EDN1: variants seen among roughly 807,000 people sequenced by gnomAD.
EDN1 encodes endothelin 1, also known as endothelin-1.
EDN1 carries 11 observed loss-of-function variants against 21.7 expected under a neutral mutation model. The ratio of observed to expected loss-of-function variants is 0.51; its 90% CI spans 0.32 to 0.84. The LOEUF (loss-of-function observed/expected upper bound fraction) is 0.84, where lower values mean the gene tolerates loss of function less well. Ranked by LOEUF, EDN1 falls within the 40% of genes least tolerant of loss-of-function variation. EDN1 has a pLI of 0.03. For synonymous variants in EDN1, 85 were observed against 90.6 expected (o/e 0.94, Z 0.35); for missense variants, 244 against 262.3 (o/e 0.93, Z 0.48).
the EDN1 span, among the ~76,000 whole-genome samples, chr6:12,259,431 AAAG>A: frequency 6.6e-6 from 1 of 151,076 alleles, no homozygotes; most frequent in Non-Finnish European, 1.5e-5. Flanking sequence ...ATTATTATAA[AAAG>A]AAAGAACTTT....
the EDN1 span, among the ~76,000 whole-genome samples, chr6:12,262,728 C>T: frequency 2.0e-5 from 3 of 151,758 alleles, no homozygotes; most frequent in Admixed American, 6.6e-5. Flanking sequence ...AAAAATTAGC[C>T]GGGCGTGGTT....
At chr6:12,236,144 A>G in the EDN1 span, among the ~76,000 whole-genome samples, 1 of 152,252 alleles carries the variant, frequency 6.6e-6, no homozygotes, top group African/African-American at 2.4e-5. Flanking sequence ...ATTTGATTCC[A>G]TGGGAATAAA....
intron 4 of EDN1, among the ~76,000 whole-genome samples, chr6:12,295,670 T>C (rs188310047): frequency 6.6e-6 from 1 of 152,274 alleles, no homozygotes; most frequent in Non-Finnish European, 1.5e-5. Context: ...GGGATGGGGC[T>C]ACGGAAGAAA....
upstream of EDN1, among the ~76,000 whole-genome samples, chr6:12,287,708 TCTCTCA>T (rs1180407059): frequency 2.2e-3 from 169 of 76,166 alleles, no homozygotes; most frequent in Non-Finnish European, 3.4e-3. Context: ...TCTCTCTCTC[TCTCTCA>T]CACACACACA....
chr6:12,244,157 ATATT>A, the EDN1 span, among the ~76,000 whole-genome samples: 8 of 152,140 alleles, frequency 5.3e-5, no homozygotes, highest in South Asian at 2.1e-4. Context: ...AACATTTAAA[ATATT>A]TATTTGTTTA....
At chr6:12,260,167 C>T in the EDN1 span, among the ~76,000 whole-genome samples, 17 of 151,966 alleles carry the variant, frequency 1.1e-4, no homozygotes, top group Non-Finnish European at 1.6e-4. Flanking sequence ...AGTAAGAGTT[C>T]TTGTTAAGTA....
the EDN1 span, among the ~76,000 whole-genome samples, chr6:12,260,010 AC>A: frequency 1.4e-4 from 21 of 152,108 alleles, no homozygotes; most frequent in Admixed American, 1.4e-3. Context: ...GAATTTCTCT[AC>A]AAAAAAAGGT....
chr6:12,288,193 T>G (rs3756865), upstream of EDN1, among the ~76,000 whole-genome samples: 30,980 of 151,090 alleles, frequency 0.21, 3,420 homozygotes, highest in South Asian at 0.34. Context: ...CTTGAGAACA[T>G]GTTGGTCCTG....
chr6:12,255,775 C>T, the EDN1 span, among the ~76,000 whole-genome samples: 1 of 152,192 alleles, frequency 6.6e-6, no homozygotes, highest in Non-Finnish European at 1.5e-5. Context: ...CCTATAACAT[C>T]TTCATTTTTA....
chr6:12,295,262 T>C (rs1380984903), intron 4 of EDN1, among the ~76,000 whole-genome samples: 3 of 152,156 alleles, frequency 2.0e-5, no homozygotes, highest in African/African-American at 7.2e-5. Flanking sequence ...ATGAACTACT[T>C]CTGAGTTATT....
chr6:12,274,768 GT>G, the EDN1 span, among the ~76,000 whole-genome samples: 1 of 152,218 alleles, frequency 6.6e-6, no homozygotes, highest in African/African-American at 2.4e-5. Flanking sequence ...AGAGCTAACT[GT>G]CCGAGGACAA....
At chr6:12,270,038 A>G in the EDN1 span, among the ~76,000 whole-genome samples, 5 of 152,084 alleles carry the variant, frequency 3.3e-5, no homozygotes, top group African/African-American at 1.2e-4. Flanking sequence ...TTTTGGTAGC[A>G]TATGTACCTA....
At chr6:12,287,295 G>T (rs184210209), upstream of EDN1, among the ~76,000 whole-genome samples, 3 of 151,884 alleles carry the variant, frequency 2.0e-5, no homozygotes, top group Admixed American at 6.6e-5. Flanking sequence ...GTGGGGTGGG[G>T]CTATGAAGCT....
intron 4 of EDN1, among the ~76,000 whole-genome samples, chr6:12,295,581 G>A (rs2071943): frequency 0.21 from 31,883 of 151,884 alleles, 3,466 homozygotes; most frequent in South Asian, 0.4. Context: ...CTAAGTCACC[G>A]TCAATTTATT....
chr6:12,230,955 AGT>A, the EDN1 span, among the ~76,000 whole-genome samples: 3 of 152,222 alleles, frequency 2.0e-5, no homozygotes, highest in African/African-American at 4.8e-5. Flanking sequence ...GAACCAAAAC[AGT>A]AGTTCATTGG....
At chr6:12,257,070 C>T in the EDN1 span, among the ~76,000 whole-genome samples, 4 of 152,210 alleles carry the variant, frequency 2.6e-5, no homozygotes, top group African/African-American at 7.2e-5. Context: ...GAACCAAAAA[C>T]ACATTTGATG....
rs11969143 is a variant in EDN1, at chr6:12,296,532, T to G, written c.*465T>G. On this transcript the variant is annotated 3_prime_UTR_variant, in exon 5 of 5. Transcript: ENST00000379375. ...TGAAAACACACTCAAAAGACAAACATGCAAGTAAAGAAAAAAAAAAGAAAG... is the reference window on the plus strand; with the variant it reads ...TGAAAACACACTCAAAAGACAAACAGGCAAGTAAAGAAAAAAAAAAGAAAG... The G allele has an allele frequency of 4.7e-3, 744 of 157,692 alleles. 4 individuals are homozygous for G. The highest frequency in any genetic ancestry group is 0.017 in the African/African-American group (692 of 41,226). 9.8% of individuals were successfully genotyped at this position (157,692 alleles called of 1,614,324 possible).
At chr6:12,262,778 A>G in the EDN1 span, among the ~76,000 whole-genome samples, 1 of 151,942 alleles carries the variant, frequency 6.6e-6, no homozygotes, top group Admixed American at 6.6e-5. Flanking sequence ...AGGCTGAGGC[A>G]AGAGAATCGC....
At chr6:12,274,825 C>T in the EDN1 span, among the ~76,000 whole-genome samples, 2 of 152,200 alleles carry the variant, frequency 1.3e-5, no homozygotes, top group Admixed American at 1.3e-4. Context: ...AGCCTTCTAA[C>T]TTCACTCTCA....
Sources: gnomAD v4.1 joint callset for allele counts (sites outside exome capture counted in the v4.1 genomes callset) on GRCh38, gnomAD v4.1.1 for gene constraint, MANE v1.5 for transcripts, NCBI Gene and HGNC (gene_info 2026-07-23, HGNC 2026-07-21) for gene names.